PTPN11: variants seen among roughly 807,000 people sequenced by gnomAD.
PTPN11 encodes protein tyrosine phosphatase non-receptor type 11, also known as tyrosine-protein phosphatase non-receptor type 11.
PTPN11 carries 6 observed loss-of-function variants against 78.8 expected under a neutral mutation model. That is an observed-to-expected ratio of 0.08 (90% confidence interval 0.04 to 0.15). The LOEUF (loss-of-function observed/expected upper bound fraction) is 0.15, where lower values mean the gene tolerates loss of function less well. Among genes scored for constraint, PTPN11 ranks in the 10% least tolerant of loss-of-function variants. PTPN11 has a pLI of 1.00. For synonymous variants in PTPN11, 221 were observed against 263.5 expected (o/e 0.84, Z 1.56); for missense variants, 386 against 744.8 (o/e 0.52, Z 5.61).
At chr12:112,484,969 T>A (rs1301525622) in intron 10 of PTPN11, among the ~76,000 whole-genome samples, 1 of 151,584 alleles carries the variant, frequency 6.6e-6, no homozygotes, top group Non-Finnish European at 1.5e-5. Flanking sequence ...CTTTTAAAAA[T>A]GTCACTTAAG....
chr12:112,428,372 T>C (rs2037655876), intron 1 of PTPN11, among the ~76,000 whole-genome samples: 1 of 150,578 alleles, frequency 6.6e-6, no homozygotes, highest in African/African-American at 2.4e-5. Context: ...AGGTGTGAGA[T>C]GGGGAGTTCA....
In PTPN11 at chr12:112,504,196, C is replaced by T. The variant is rs1686209254; in HGVS notation, c.1713-499C>T. On this transcript the variant is annotated intron_variant, in intron 14 of 15. Transcript: ENST00000351677. This position sits in a 1 kb window ranked among gnomAD's most constrained non-coding sequence, Gnocchi z 4.7. ...GCACCAGGACTTGAGGCTTTTATTGCACTTCTGTTGTTTTTTTGAGATGGA... is the reference window on the plus strand; with the variant it reads ...GCACCAGGACTTGAGGCTTTTATTGTACTTCTGTTGTTTTTTTGAGATGGA... 6.6e-6 allele frequency among the ~76,000 whole-genome samples: 1 copy of T among 152,120 alleles called. No individual in the cohort carries two copies. The highest frequency in any genetic ancestry group is 2.4e-5 in the African/African-American group (1 of 41,442).
chr12:112,440,631 T>C (rs1188224331), intron 1 of PTPN11, among the ~76,000 whole-genome samples: 1 of 141,244 alleles, frequency 7.1e-6, no homozygotes. Flanking sequence ...TGGAGCGCAG[T>C]GGCATGATCT....
At chr12:112,430,788 A>G (rs895562822) in intron 1 of PTPN11, among the ~76,000 whole-genome samples, 9 of 151,798 alleles carry the variant, frequency 5.9e-5, no homozygotes, top group African/African-American at 2.2e-4. Flanking sequence ...CCAGACTGCA[A>G]GTTAGTTTCA....
intron 1 of PTPN11, 131 bp from the exon 2 acceptor site, chr12:112,446,145 C>G (rs193223773): frequency 8.8e-7 from 1 of 1,133,570 alleles, no homozygotes; most frequent in African/African-American, 1.5e-5. Flanking sequence ...GGGGAAGGGA[C>G]AGGGAAGGTC....
chr12:112,480,039 G>T (rs1387829199), intron 9 of PTPN11, among the ~76,000 whole-genome samples: 1 of 152,208 alleles, frequency 6.6e-6, no homozygotes, highest in Non-Finnish European at 1.5e-5. Context: ...TTAAAAGACA[G>T]TGTATTAGTT....
Position 112,504,729 on chromosome 12 carries a change from G to A in PTPN11, c.1747G>A (p.Val583Met), listed in dbSNP as rs963465148. 6 of 1,593,470 alleles carry A rather than the reference G, an allele frequency of 3.8e-6. No homozygotes were observed. The highest frequency in any genetic ancestry group is 1.3e-5 in the African/African-American group (1 of 74,428). Residue 583 changes from valine (V) to methionine (M), a missense_variant, in exon 15 of 16, where the codon GTG becomes ATG. Physicochemically the swap from Val to Met is conservative, Grantham distance 21. Around this residue, in one of 3 missense-constraint regions of PTPN11, gnomAD observed 44 missense variants for 59.3 expected, o/e 0.74. Transcript: ENST00000351677. This position sits in a 1 kb window ranked among gnomAD's most constrained non-coding sequence, Gnocchi z 4.7. ...REDSARVYEN[V>M]GLMQQQKSFR ...AGACAGTGCTAGAGTCTATGAAAACGTGGGCCTGATGCAACAGCAGAAAAG... is the reference window on the plus strand; with the variant it reads ...AGACAGTGCTAGAGTCTATGAAAACATGGGCCTGATGCAACAGCAGAAAAG...
At chr12:112,424,343 T>G (rs950267330) in intron 1 of PTPN11, among the ~76,000 whole-genome samples, 1 of 152,152 alleles carries the variant, frequency 6.6e-6, no homozygotes, top group Non-Finnish European at 1.5e-5. Flanking sequence ...TCTTAATGTC[T>G]TTAGTGTCAT....
At chr12:112,438,839 G>T (rs2037837334) in intron 1 of PTPN11, among the ~76,000 whole-genome samples, 2 of 152,008 alleles carry the variant, frequency 1.3e-5, no homozygotes, top group African/African-American at 4.8e-5. Context: ...TGCCCAGGCT[G>T]GTCTTGAACA....
rs374976151 is a variant in PTPN11 at position 112,430,828 on chromosome 12, C to T, written c.14+11703C>T. 1.3e-4 allele frequency among the ~76,000 whole-genome samples: 19 copies of T among 151,888 alleles called. No individual in the cohort carries two copies. The East Asian group carries it at 1.9e-3, about 15-fold the overall frequency. On this transcript the variant is annotated intron_variant, in intron 1 of 15. Coordinates refer to ENST00000351677, the MANE Select transcript of PTPN11 (RefSeq NM_002834.5). ...TCAACATTTGGTGTTTCCAAATGCA[C>T]GGGGAGGCTTTGGAGCAAGTTTTTG...
intron 1 of PTPN11, among the ~76,000 whole-genome samples, chr12:112,436,389 A>G (rs1347952494): frequency 2.6e-5 from 4 of 152,172 alleles, no homozygotes; most frequent in African/African-American, 7.2e-5. Flanking sequence ...GGTAAACACT[A>G]TTATTATCCA....
At chr12:112,459,293 T>C (rs1166189743) in intron 6 of PTPN11, among the ~76,000 whole-genome samples, 1 of 152,172 alleles carries the variant, frequency 6.6e-6, no homozygotes, top group Non-Finnish European at 1.5e-5. Flanking sequence ...AAAATTTCTA[T>C]TATATGCAAA....
At chr12:112,505,592 G>A (rs767441189) in intron 15 of PTPN11, among the ~76,000 whole-genome samples, 1 of 150,004 alleles carries the variant, frequency 6.7e-6, no homozygotes, top group Non-Finnish European at 1.5e-5. Flanking sequence ...GAGAGGCAGC[G>A]GTTGCAGTGT....
intron 12 of PTPN11, 140 bp downstream of exon 12, chr12:112,488,650 C>T: frequency 2.2e-6 from 2 of 895,646 alleles, no homozygotes; most frequent in East Asian, 2.5e-5. Context: ...TTCAGTGTGT[C>T]TGCCTGAGAA....
chr12:112,474,997 G>T (rs1230737148), intron 7 of PTPN11, among the ~76,000 whole-genome samples: 1 of 152,166 alleles, frequency 6.6e-6, no homozygotes, highest in East Asian at 1.9e-4. Context: ...AAAAAGGCCT[G>T]GCAGGATGTA....
At chr12:112,478,288 C>T (rs2038540842) in intron 9 of PTPN11, among the ~76,000 whole-genome samples, 2 of 151,782 alleles carry the variant, frequency 1.3e-5, no homozygotes, top group Non-Finnish European at 2.9e-5. Context: ...GATACATATC[C>T]TGGGCTGGGC....
chr12:112,471,427 C>CCGTG (rs2038413885), intron 6 of PTPN11, among the ~76,000 whole-genome samples: 2 of 140,424 alleles, frequency 1.4e-5, no homozygotes, highest in Admixed American at 1.5e-4. Flanking sequence ...GGCTGGAGTG[C>CCGTG]CGTGGCTCCA....
At chr12:112,463,572 A>G (rs886208305) in intron 6 of PTPN11, among the ~76,000 whole-genome samples, 3 of 152,242 alleles carry the variant, frequency 2.0e-5, no homozygotes, top group Non-Finnish European at 4.4e-5. Context: ...TCTTCTGGCC[A>G]TGGAAAAAGA....
intron 1 of PTPN11, among the ~76,000 whole-genome samples, chr12:112,430,598 A>G (rs940310842): frequency 2.6e-5 from 4 of 151,166 alleles, no homozygotes; most frequent in African/African-American, 9.7e-5. Flanking sequence ...CTGGGTAATT[A>G]CAAAACTTTT....
Sources: gnomAD v4.1 joint callset for allele counts (sites outside exome capture counted in the v4.1 genomes callset) on GRCh38, gnomAD v4.1.1 for gene constraint, gnomAD v4.1.1 regional missense constraint, Gnocchi (gnomAD v3.1) non-coding constraint, MANE v1.5 for transcripts, NCBI Gene and HGNC (gene_info 2026-07-23, HGNC 2026-07-21) for gene names.